The following ADARB2 variants were observed in gnomAD, a reference collection of about 807,000 sequenced individuals.
ADARB2 encodes inactive double-stranded RNA-specific editase B2.
ADARB2 carries 25 observed loss-of-function variants against 62.2 expected under a neutral mutation model. The observed-to-expected ratio is 0.40, with a 90% CI of 0.29 to 0.56. The LOEUF (loss-of-function observed/expected upper bound fraction) is 0.56, where lower values mean the gene tolerates loss of function less well. ADARB2 is among the 20% of genes least tolerant of loss of function. The pLI, the probability that ADARB2 is intolerant of heterozygous loss-of-function variation, is 0.43. For missense variants in ADARB2, 1,071 were observed against 1,077.4 expected (o/e 0.99, Z 0.08); for synonymous variants, 572 against 500.8 (o/e 1.14, Z -1.90).
chr10:1,187,563 G>T (rs1836777474), intron 8 of ADARB2, among the ~76,000 whole-genome samples: 1 of 152,278 alleles, frequency 6.6e-6, no homozygotes, highest in South Asian at 2.1e-4. Flanking sequence ...CCTGGCTCCG[G>T]CCTGTGCCCC....
intron 1 of ADARB2, among the ~76,000 whole-genome samples, chr10:1,728,132 G>A (rs1273142296): frequency 1.3e-5 from 2 of 152,170 alleles, no homozygotes; most frequent in Non-Finnish European, 2.9e-5. Context: ...TCACACCAAT[G>A]TGGTTGTTGT....
At chr10:1,241,283 G>A (rs543493629) in intron 5 of ADARB2, among the ~76,000 whole-genome samples, 2 of 152,294 alleles carry the variant, frequency 1.3e-5, no homozygotes, top group South Asian at 4.1e-4. Flanking sequence ...AGCTGAGTGT[G>A]TTAAGGTGTT....
chr10:1,709,109 G>A (rs973408851), intron 1 of ADARB2, among the ~76,000 whole-genome samples: 1 of 152,184 alleles, frequency 6.6e-6, no homozygotes, highest in Admixed American at 6.5e-5. Context: ...GGTATTTCCT[G>A]CTCTAGTGCT....
intron 3 of ADARB2, among the ~76,000 whole-genome samples, chr10:1,362,746 G>A (rs191262253): frequency 6.6e-6 from 1 of 152,262 alleles, no homozygotes; most frequent in East Asian, 1.9e-4. Flanking sequence ...AACCTGGCAC[G>A]GGGGACCCGT....
At chr10:1,640,930 G>A (rs1236330060) in intron 1 of ADARB2, among the ~76,000 whole-genome samples, 1 of 152,136 alleles carries the variant, frequency 6.6e-6, no homozygotes, top group Non-Finnish European at 1.5e-5. Context: ...GCTGCCCTGT[G>A]GTCTCACTTG....
At chr10:1,697,950 G>A (rs1346446442) in intron 1 of ADARB2, among the ~76,000 whole-genome samples, 1 of 152,190 alleles carries the variant, frequency 6.6e-6, no homozygotes, top group Admixed American at 6.5e-5. Context: ...GGAGCGGTTG[G>A]GAATGGATAG....
chr10:1,471,460 G>T (rs1041711240), intron 1 of ADARB2, among the ~76,000 whole-genome samples: 1 of 151,896 alleles, frequency 6.6e-6, no homozygotes. Context: ...GCGAGGTCTC[G>T]GCTTACCGCA....
chr10:1,545,564 C>T (rs1434159131), intron 1 of ADARB2, among the ~76,000 whole-genome samples: 1 of 152,194 alleles, frequency 6.6e-6, no homozygotes, highest in Non-Finnish European at 1.5e-5. Context: ...CCCTTCCTCC[C>T]CTTCCCTTAA....
In ADARB2 at chr10:1,256,913, G is replaced by C. The variant is rs73592269; in HGVS notation, c.1192+14042C>G. On this transcript the variant is annotated intron_variant, in intron 4 of 9. Coordinates refer to ENST00000381312, the MANE Select transcript of ADARB2 (RefSeq NM_018702.4). ...TCGATGAACGGTCTCTTCTCCTACC[G>C]AGGATGGCTGACAAGGTCTCCTCAC... Among the ~76,000 whole-genome samples, 221 of 152,282 alleles carry C rather than the reference G, an allele frequency of 1.5e-3. 2 individuals carry two copies. The highest frequency in any genetic ancestry group is 3.3e-3 in the Admixed American group (50 of 15,302).
chr10:1,677,102 C>T (rs1340151104), intron 1 of ADARB2, among the ~76,000 whole-genome samples: 1 of 152,258 alleles, frequency 6.6e-6, no homozygotes, highest in Admixed American at 6.5e-5. Flanking sequence ...ATTTCATCAA[C>T]ATGCTTAGTT....
At chr10:1,346,017 G>T (rs1350462536) in intron 3 of ADARB2, among the ~76,000 whole-genome samples, 2 of 152,132 alleles carry the variant, frequency 1.3e-5, no homozygotes, top group Non-Finnish European at 2.9e-5. Context: ...ACCACTGTGT[G>T]TATTATCATC....
intron 1 of ADARB2, among the ~76,000 whole-genome samples, chr10:1,578,380 T>G (rs971350530): frequency 6.6e-6 from 1 of 152,262 alleles, no homozygotes; most frequent in Non-Finnish European, 1.5e-5. Context: ...AAATTAAAAA[T>G]ATAAACAACT....
At chr10:1,234,345 C>T (rs575890985) in intron 5 of ADARB2, among the ~76,000 whole-genome samples, 12 of 152,188 alleles carry the variant, frequency 7.9e-5, no homozygotes, top group Non-Finnish European at 1.8e-4. Context: ...ACCAACACTT[C>T]TAGAACAGGC....
intron 3 of ADARB2, among the ~76,000 whole-genome samples, chr10:1,338,682 A>C (rs576268543): frequency 6.6e-6 from 1 of 151,784 alleles, no homozygotes; most frequent in East Asian, 1.9e-4. Context: ...TACGTGGGCC[A>C]GCTCACAGCC....
At position 1,553,772 on chromosome 10, in the gene ADARB2, G is replaced by C. The variant is rs117557664; in HGVS notation, c.101-174612C>G. Among the ~76,000 whole-genome samples, 200 of 152,260 alleles carry C rather than the reference G, an allele frequency of 1.3e-3. 5 individuals carry two copies. The East Asian group carries it at 0.035, about 26-fold the overall frequency. The stretch of plus-strand genomic sequence containing the variant: ...TTTGGAGCGCAGGCAGAAGACACTT[G>C]TGCTCTTCTAAGCGCAGCGACCGTG... On this transcript the variant is annotated intron_variant, in intron 1 of 9. Coordinates refer to ENST00000381312, the MANE Select transcript of ADARB2 (RefSeq NM_018702.4).
chr10:1,401,160 C>T (rs80353774), intron 1 of ADARB2, among the ~76,000 whole-genome samples: 1,711 of 152,324 alleles, frequency 0.011, 35 homozygotes, highest in African/African-American at 0.039. Context: ...CAGCGTCACC[C>T]TCCCCACCTC....
intron 1 of ADARB2, among the ~76,000 whole-genome samples, chr10:1,571,434 C>T (rs1244938123): frequency 1.3e-5 from 2 of 152,092 alleles, no homozygotes; most frequent in Non-Finnish European, 2.9e-5. Context: ...GGAAGTAAAA[C>T]AGATAAATGG....
At chr10:1,402,200 GA>G (rs1377747183) in intron 1 of ADARB2, among the ~76,000 whole-genome samples, 2 of 152,216 alleles carry the variant, frequency 1.3e-5, no homozygotes, top group African/African-American at 4.8e-5. Context: ...GCCCCAGGAT[GA>G]GGGGTAGGGA....
intron 1 of ADARB2, among the ~76,000 whole-genome samples, chr10:1,603,044 G>GCA (rs1372818011): frequency 1.4e-5 from 2 of 147,228 alleles, no homozygotes; most frequent in African/African-American, 2.5e-5. Context: ...AAACACACAC[G>GCA]CACACACACC....
Sources: allele counts gnomAD v4.1 joint callset (sites outside exome capture counted in the v4.1 genomes callset), GRCh38; gene constraint gnomAD v4.1.1; transcripts MANE v1.5; gene names NCBI Gene and HGNC (gene_info 2026-07-23, HGNC 2026-07-21).